The following FA2H variants were observed in gnomAD, a reference collection of about 807,000 sequenced individuals.
FA2H encodes fatty acid 2-hydroxylase, also known as fatty acid alpha-hydroxylase.
A neutral mutation model predicts 44.9 loss-of-function variants in FA2H; 22 were observed. The ratio of observed to expected loss-of-function variants is 0.49; its 90% CI spans 0.35 to 0.70. The LOEUF (loss-of-function observed/expected upper bound fraction) is 0.70. FA2H is among the 30% of genes least tolerant of loss of function. The probability of loss-of-function intolerance (pLI) is 0.01; values close to 1 mark genes in which losing one functional copy is unlikely to be tolerated. For missense variants in FA2H, 501 were observed against 504.9 expected, an observed-to-expected ratio of 0.99 and a Z score of 0.07; for synonymous variants, 243 against 213.2, an observed-to-expected ratio of 1.14 and a Z score of -1.22.
intron 2 of FA2H, among the ~76,000 whole-genome samples, chr16:74,728,996 T>C (rs1185732888): frequency 7.2e-6 from 1 of 138,258 alleles, no homozygotes; most frequent in Non-Finnish European, 1.5e-5. Context: ...TTGGCCAGGA[T>C]GGTCTTGATT....
intron 1 of FA2H, among the ~76,000 whole-genome samples, chr16:74,770,634 G>A (rs928705329): frequency 1.3e-5 from 2 of 152,180 alleles, no homozygotes; most frequent in African/African-American, 4.8e-5. Flanking sequence ...GCCTCCCAAA[G>A]TGCTGGAATT....
intron 1 of FA2H, among the ~76,000 whole-genome samples, chr16:74,756,128 A>G (rs1009065799): frequency 1.3e-5 from 2 of 152,154 alleles, no homozygotes; most frequent in Non-Finnish European, 2.9e-5. Flanking sequence ...TGTTCCCCCT[A>G]GCAATCATGG....
intron 1 of FA2H, among the ~76,000 whole-genome samples, chr16:74,744,607 A>G (rs1962380766): frequency 6.6e-6 from 1 of 151,950 alleles, no homozygotes; most frequent in Non-Finnish European, 1.5e-5. Context: ...GTTCACCATC[A>G]TGCCCAGCTA....
intron 2 of FA2H, among the ~76,000 whole-genome samples, chr16:74,735,606 G>A (rs559529310): frequency 5.3e-5 from 8 of 152,274 alleles, no homozygotes; most frequent in Admixed American, 3.9e-4. Flanking sequence ...CCTGCCCAGG[G>A]GCCCCACCCC....
intron 1 of FA2H, among the ~76,000 whole-genome samples, chr16:74,743,294 T>C (rs1312129906): frequency 6.6e-6 from 1 of 152,238 alleles, no homozygotes; most frequent in Non-Finnish European, 1.5e-5. Flanking sequence ...GTAAATCAAA[T>C]GTTCACCATG....
intron 1 of FA2H, among the ~76,000 whole-genome samples, chr16:74,740,786 G>T (rs1236936447): frequency 6.6e-6 from 1 of 152,226 alleles, no homozygotes; most frequent in South Asian, 2.1e-4. Flanking sequence ...GGTCCCTGCC[G>T]GTTCTCCTTC....
chr16:74,725,989 C>A, intron 4 of FA2H: 3 of 508,016 alleles, frequency 5.9e-6, no homozygotes, highest in Non-Finnish European at 1.1e-5. Context: ...CTATGCCACC[C>A]GATGATTCCA....
At chr16:74,770,194 T>C (rs1962880964) in intron 1 of FA2H, among the ~76,000 whole-genome samples, 1 of 152,166 alleles carries the variant, frequency 6.6e-6, no homozygotes, top group Non-Finnish European at 1.5e-5. Flanking sequence ...CAGGGGGCTC[T>C]AACCACAAGG....
chr16:74,736,250 C>T (rs1962177516), intron 2 of FA2H, among the ~76,000 whole-genome samples: 3 of 152,174 alleles, frequency 2.0e-5, no homozygotes, highest in Non-Finnish European at 4.4e-5. Flanking sequence ...CCAGTATGGA[C>T]AGCCTTGGGG....
chr16:74,744,785 T>G (rs112967539), intron 1 of FA2H, among the ~76,000 whole-genome samples: 41 of 152,256 alleles, frequency 2.7e-4, no homozygotes, highest in Admixed American at 4.6e-4. Context: ...GGGGTCTTGC[T>G]ATGTTGCCCA....
At chr16:74,748,682 GAGA>G (rs1962472435) in intron 1 of FA2H, among the ~76,000 whole-genome samples, 1 of 152,100 alleles carries the variant, frequency 6.6e-6, no homozygotes, top group African/African-American at 2.4e-5. Context: ...GGAGAGAACA[GAGA>G]AGAACAACAG....
intron 1 of FA2H, among the ~76,000 whole-genome samples, chr16:74,751,241 T>C (rs1010595022): frequency 1.1e-4 from 16 of 151,936 alleles, no homozygotes; most frequent in Non-Finnish European, 1.8e-4. Flanking sequence ...ATTATAGGCA[T>C]GCACCACCAT....
rs567639891 is a variant in FA2H at position 74,742,187 on chromosome 16, A to G, written c.271-2072T>C. ...AATGCTGGGTCTCTGCAAGCAGCCA[A>G]CGTCTTCCAAGACTCCTGCCATGTG... On this transcript the variant is annotated intron_variant, in intron 1 of 6. Transcript: ENST00000219368. Among the ~76,000 whole-genome samples, 8 of 152,232 alleles carry G rather than the reference A, an allele frequency of 5.3e-5. No homozygotes were observed. In the South Asian group the frequency reaches 8.3e-4, roughly 16 times the overall value.
intron 1 of FA2H, among the ~76,000 whole-genome samples, chr16:74,748,060 C>T (rs930436319): frequency 2.0e-5 from 3 of 152,142 alleles, no homozygotes; most frequent in Admixed American, 6.5e-5. Context: ...CCACCCAGCC[C>T]GCAGGGGCAG....
intron 1 of FA2H, among the ~76,000 whole-genome samples, chr16:74,742,461 A>T (rs886196098): frequency 1.3e-5 from 2 of 152,234 alleles, no homozygotes; most frequent in Non-Finnish European, 2.9e-5. Context: ...CCTTCGGCCG[A>T]GTACATAGGA....
intron 1 of FA2H, among the ~76,000 whole-genome samples, chr16:74,768,570 C>T (rs1381353222): frequency 6.6e-6 from 1 of 152,194 alleles, no homozygotes; most frequent in African/African-American, 2.4e-5. Flanking sequence ...CTCGGCTCTA[C>T]TCTGCTCAGA....
chr16:74,771,173 T>TTTTTC (rs1271194955), intron 1 of FA2H, among the ~76,000 whole-genome samples: 1 of 152,004 alleles, frequency 6.6e-6, no homozygotes, highest in Non-Finnish European at 1.5e-5. Flanking sequence ...CTGCACTCAG[T>TTTTTC]TTTTCTTTTC....
At chr16:74,771,990 G>A (rs1027842778) in intron 1 of FA2H, among the ~76,000 whole-genome samples, 4 of 143,582 alleles carry the variant, frequency 2.8e-5, no homozygotes, top group Non-Finnish European at 4.5e-5. Flanking sequence ...TTGCTCTATT[G>A]CCCAGGCTGA....
intron 1 of FA2H, among the ~76,000 whole-genome samples, chr16:74,760,697 C>G (rs775105967): frequency 6.6e-6 from 1 of 152,228 alleles, no homozygotes; most frequent in Non-Finnish European, 1.5e-5. Flanking sequence ...GCCTAAGGAT[C>G]CTTCTCCTTC....
Sources: gnomAD v4.1 joint callset for allele counts (sites outside exome capture counted in the v4.1 genomes callset) on GRCh38, gnomAD v4.1.1 for gene constraint, MANE v1.5 for transcripts, NCBI Gene and HGNC (gene_info 2026-07-23, HGNC 2026-07-21) for gene names.